The following P4HA3 variants were observed in gnomAD, a reference collection of about 807,000 sequenced individuals.
The protein encoded by P4HA3 is prolyl 4-hydroxylase subunit alpha-3.
A neutral mutation model predicts 66.7 loss-of-function variants in P4HA3; 60 were observed. That is an observed-to-expected ratio of 0.90 (90% CI 0.73 to 1.12). The LOEUF (loss-of-function observed/expected upper bound fraction) is 1.12, where lower values mean the gene tolerates loss of function less well. Ranked by LOEUF, P4HA3 falls within the 50% of genes most tolerant of loss-of-function variation. The pLI, the probability that P4HA3 is intolerant of heterozygous loss-of-function variation, is 0.00. For synonymous variants in P4HA3, 263 were observed against 274.6 expected (o/e 0.96, Z 0.42); for missense variants, 683 against 685.8 (o/e 1.00, Z 0.05).
Position 74,299,515 on chromosome 11 carries a change from C to A in P4HA3, c.568-1154G>T, listed in dbSNP as rs916482036. 2.6e-5 allele frequency among the ~76,000 whole-genome samples: 4 copies of A among 152,186 alleles called. No homozygotes were observed. The South Asian group carries it at 8.3e-4, about 32-fold the overall frequency. On this transcript the variant is annotated intron_variant, in intron 3 of 12. Transcript: ENST00000331597. ...CTGAAAAATGCTAAAAATGACTGAA[C>A]TTTTCATGCCAAGTTAATTTGTTTA...
chr11:74,261,811 G>C (rs1859911386), downstream of P4HA3, among the ~76,000 whole-genome samples: 1 of 152,156 alleles, frequency 6.6e-6, no homozygotes, highest in Admixed American at 6.5e-5. Context: ...TGCAGTCTGT[G>C]CTCATTAAAA....
At chr11:74,256,600 CAG>C (rs1243776416) in intron 15 of P4HA3, among the ~76,000 whole-genome samples, 1 of 152,156 alleles carries the variant, frequency 6.6e-6, no homozygotes, top group African/African-American at 2.4e-5. Flanking sequence ...TTGGCCATAA[CAG>C]TGTCCTTGCA....
intron 14 of P4HA3, among the ~76,000 whole-genome samples, chr11:74,260,667 C>T (rs1339916847): frequency 3.3e-5 from 5 of 152,096 alleles, no homozygotes; most frequent in Non-Finnish European, 7.4e-5. Context: ...CAAAAGAGCA[C>T]AAATGGTTTT....
intron 9 of P4HA3, among the ~76,000 whole-genome samples, chr11:74,276,595 C>T (rs895274008): frequency 6.6e-6 from 1 of 152,024 alleles, no homozygotes; most frequent in African/African-American, 2.4e-5. Flanking sequence ...AAATAAAAAA[C>T]AAGCACATGT....
At chr11:74,265,994 G>A (rs566707269), downstream of P4HA3, among the ~76,000 whole-genome samples, 1 of 152,286 alleles carries the variant, frequency 6.6e-6, no homozygotes, top group South Asian at 2.1e-4. Flanking sequence ...TGGCTGGGTG[G>A]TGGCATGGTC....
At position 74,271,183 on chromosome 11, in the gene P4HA3, T is replaced by C. The variant is rs913256049; in HGVS notation, c.1399-1463A>G. 3.9e-4 allele frequency among the ~76,000 whole-genome samples: 59 copies of C among 152,186 alleles called. 1 individual carries two copies. Among genetic ancestry groups the C allele is most frequent in the African/African-American group, 1.4e-3 (58 of 41,436 alleles). On this transcript the variant is annotated intron_variant, in intron 10 of 12. Coordinates refer to ENST00000331597, the MANE Select transcript of P4HA3 (RefSeq NM_182904.5). Reference sequence around the variant, plus strand: ...GGTAGATGCAAGTGAACTGACATGGTGATTTGGAACCTGGAAATGGCAGTG... The same window carrying C: ...GGTAGATGCAAGTGAACTGACATGGCGATTTGGAACCTGGAAATGGCAGTG...
At chr11:74,258,527 C>G (rs1399355345) in intron 15 of P4HA3, among the ~76,000 whole-genome samples, 2 of 152,138 alleles carry the variant, frequency 1.3e-5, no homozygotes, top group Admixed American at 1.3e-4. Flanking sequence ...AGCAGTGCCT[C>G]CTACAGATGA....
intron 7 of P4HA3, among the ~76,000 whole-genome samples, chr11:74,283,993 T>C (rs1860696582): frequency 6.6e-6 from 1 of 152,242 alleles, no homozygotes; most frequent in Non-Finnish European, 1.5e-5. Context: ...GAACCAATAC[T>C]TCATCTCACT....
chr11:74,268,028 G>T, intron 12 of P4HA3, 117 bp downstream of exon 12: 1 of 842,386 alleles, frequency 1.2e-6, no homozygotes. Context: ...TCAATATAAT[G>T]TGGCACTGTA....
intron 7 of P4HA3, among the ~76,000 whole-genome samples, chr11:74,280,659 A>G (rs1033365200): frequency 6.6e-6 from 1 of 152,162 alleles, no homozygotes; most frequent in Non-Finnish European, 1.5e-5. Context: ...GTAGGTGCTT[A>G]GTACTGGTTA....
chr11:74,262,574 T>C (rs764865932), downstream of P4HA3, among the ~76,000 whole-genome samples: 5 of 152,174 alleles, frequency 3.3e-5, no homozygotes, highest in Admixed American at 6.5e-5. Flanking sequence ...GTGATGTCTT[T>C]TCTTTAAACC....
At chr11:74,280,334 T>A (rs111975584) in intron 7 of P4HA3, among the ~76,000 whole-genome samples, 11 of 151,616 alleles carry the variant, frequency 7.3e-5, no homozygotes, top group South Asian at 4.2e-4. Context: ...AAAAAAAAAA[T>A]GTTTTTGTAG....
chr11:74,298,337 A>G lies in P4HA3; in HGVS notation c.592T>C (p.Tyr198His). 6.2e-7 allele frequency: 1 copy of G among 1,613,898 alleles called. No individual in the cohort carries two copies. Among genetic ancestry groups the G allele is most frequent in the African/African-American group, 1.3e-5 (1 of 75,028 alleles). ...TCCTCCAGCCATGGAATGGCATGGT[A>G]ATAATCCCCCATGTCATAGGCCACC... Reference protein sequence around the residue: ...GKVAYDMGDYYHAIPWLEEAV... With the variant: ...GKVAYDMGDYHHAIPWLEEAV... Residue 198 changes from tyrosine to histidine, a missense_variant, in exon 4 of 13, where the codon TAC (tyrosine) becomes CAC (histidine). Transcript: ENST00000331597.
rs751973259 is a variant in P4HA3, at chr11:74,304,443, C to T, written c.201-31G>A. 3.0e-5 allele frequency: 48 copies of T among 1,611,586 alleles called. No individual in the cohort carries two copies. The African/African-American group carries it at 6.1e-4, about 21-fold the overall frequency. On this transcript the variant is annotated intron_variant, in intron 1 of 12. Transcript: ENST00000331597. ...AGAAAGGAGTAGAATGATCTCACCTCCTGATACAACCACTACACCTAGGGA... is the reference window on the plus strand; with the variant it reads ...AGAAAGGAGTAGAATGATCTCACCTTCTGATACAACCACTACACCTAGGGA...
intron 2 of P4HA3, among the ~76,000 whole-genome samples, chr11:74,302,999 T>C (rs974270176): frequency 2.0e-5 from 3 of 152,140 alleles, no homozygotes; most frequent in African/African-American, 4.8e-5. Context: ...TTGCCTAGGC[T>C]GGAGCACACT....
intron 2 of P4HA3, among the ~76,000 whole-genome samples, chr11:74,303,129 T>G (rs1166618434): frequency 2.0e-5 from 3 of 151,970 alleles, no homozygotes; most frequent in African/African-American, 7.3e-5. Flanking sequence ...TTTAAATAAA[T>G]TTTTTTGTAG....
intron 1 of P4HA3, 132 bp downstream of exon 1, chr11:74,311,280 G>A: frequency 1.8e-6 from 2 of 1,081,744 alleles, no homozygotes; most frequent in Non-Finnish European, 2.5e-6. Context: ...GTCGCACGGT[G>A]CGACAGTGGG....
intron 5 of P4HA3, chr11:74,287,278 C>T (rs1860831291): frequency 1.6e-6 from 2 of 1,289,254 alleles, no homozygotes; most frequent in African/African-American, 1.5e-5. Context: ...GTGCTTCTAA[C>T]CACAACCATC....
Position 74,267,260 on chromosome 11 carries a change from G to A in P4HA3, c.1623C>T (p.Ser541=), listed in dbSNP as rs1860019626. The A allele has an allele frequency of 1.2e-6, 2 of 1,614,176 alleles. No individual in the cohort carries two copies. Among genetic ancestry groups the A allele is most frequent in the South Asian group, 1.1e-5 (1 of 91,082 alleles). Residue 541 remains serine, a synonymous_variant, in exon 13 of 13, where the codon AGC becomes AGT. Transcript: ENST00000331597. ...GQEFRRPCSS[S]PED is the part of the protein sequence containing the mutation. Reference sequence around the variant, plus strand: ...CTCTGCCAACAGTTCAGTCTTCAGGGCTGGAGCTGCAGGGTCTGCGGAATT... The same window carrying A: ...CTCTGCCAACAGTTCAGTCTTCAGGACTGGAGCTGCAGGGTCTGCGGAATT...
Sources: allele counts gnomAD v4.1 joint callset (sites outside exome capture counted in the v4.1 genomes callset), GRCh38; gene constraint gnomAD v4.1.1; transcripts MANE v1.5; gene names NCBI Gene and HGNC (gene_info 2026-07-23, HGNC 2026-07-21).